The following TET2 variants were observed in gnomAD, a reference collection of about 807,000 sequenced individuals.
The protein encoded by TET2 is tet methylcytosine dioxygenase 2.
TET2 carries 299 observed loss-of-function variants against 142.9 expected under a neutral mutation model. The observed-to-expected ratio is 2.09, with a 90% CI of 1.90 to 2.30. The LOEUF is 2.30. TET2 is among the 30% of genes most tolerant of loss of function. The pLI, the probability that TET2 is intolerant of heterozygous loss-of-function variation, is 0.00. For synonymous variants in TET2, 819 were observed against 849.0 expected (o/e 0.96, Z 0.61); for missense variants, 2,418 against 2,378.0 (o/e 1.02, Z -0.35).
chr4:105,239,899 A>G (rs1008829992), intron 3 of TET2: 1 of 238,958 alleles, frequency 4.2e-6, no homozygotes, highest in Non-Finnish European at 8.8e-6. Context: ...AGGCCACTGT[A>G]GGGTTATTAA....
chr4:105,193,007 A>T (rs1725874570), intron 2 of TET2, among the ~76,000 whole-genome samples: 1 of 152,216 alleles, frequency 6.6e-6, no homozygotes, highest in African/African-American at 2.4e-5. Flanking sequence ...ATGCAGAGTG[A>T]TTTAAAAAGA....
At chr4:105,222,640 G>A (rs13147502) in intron 2 of TET2, among the ~76,000 whole-genome samples, 74,360 of 151,890 alleles carry the variant, frequency 0.49, 19,494 homozygotes, top group Non-Finnish European at 0.61. Context: ...AGTAGGTTGC[G>A]AAAATTTTCT....
intron 6 of TET2, among the ~76,000 whole-genome samples, chr4:105,254,281 AT>A (rs1203938030): frequency 6.6e-6 from 1 of 152,164 alleles, no homozygotes; most frequent in Non-Finnish European, 1.5e-5. Flanking sequence ...TGCTGATTCA[AT>A]TTCTTTCATA....
At chr4:105,195,520 T>C (rs4593132) in intron 2 of TET2, among the ~76,000 whole-genome samples, 1 of 152,156 alleles carries the variant, frequency 6.6e-6, no homozygotes, top group Non-Finnish European at 1.5e-5. Flanking sequence ...CTGTGGATCC[T>C]CAAGTCTCTT....
rs1253052000 is a variant in TET2 at position 105,237,181 on chromosome 4, C to T, written c.3239C>T (p.Ala1080Val). ...TAAELDSHTP[A>V]LEQQTTSSEK... is the part of the protein sequence containing the mutation. ...GCAGAACTTGATAGCCACACCCCAG[C>T]TTTAGAGCAGCAAACAACTTCTTCA... is the stretch of plus-strand genomic sequence containing the variant. The change falls in exon 3 of 11, where the codon GCT becomes GTT. Residue 1080 changes from alanine to valine, a missense_variant. Transcript: ENST00000380013. The T allele has an allele frequency of 1.9e-6, 3 of 1,614,152 alleles. No individual in the cohort carries two copies. The African/African-American group carries it at 4.0e-5, about 22-fold the overall frequency.
intron 8 of TET2, 122 bp from the exon 9 acceptor site, chr4:105,269,488 C>A: frequency 1.9e-6 from 2 of 1,035,230 alleles, no homozygotes; most frequent in Non-Finnish European, 1.4e-6. Flanking sequence ...CATTTTGTTT[C>A]TGGATATATA....
chr4:105,228,882 A>C (rs550508824), intron 2 of TET2, among the ~76,000 whole-genome samples: 1 of 152,154 alleles, frequency 6.6e-6, no homozygotes, highest in Non-Finnish European at 1.5e-5. Flanking sequence ...TTTAAAACCT[A>C]AAGTTTCTTT....
At chr4:105,183,709 T>C (rs966771078) in intron 1 of TET2, among the ~76,000 whole-genome samples, 12 of 152,252 alleles carry the variant, frequency 7.9e-5, no homozygotes, top group East Asian at 3.9e-4. Flanking sequence ...AGGAGAGACA[T>C]TCTGAGATTC....
intron 1 of TET2, among the ~76,000 whole-genome samples, chr4:105,164,514 G>A (rs998743468): frequency 1.3e-5 from 2 of 152,198 alleles, no homozygotes. Context: ...TATTCTTCAA[G>A]CATGTGTTGA....
intron 8 of TET2, among the ~76,000 whole-genome samples, chr4:105,264,093 G>A (rs201489038): frequency 1.5e-4 from 1 of 6,536 alleles, no homozygotes; most frequent in Admixed American, 9.2e-4. Flanking sequence ...GGACTTTAAC[G>A]TCCCAAACAT....
intron 2 of TET2, among the ~76,000 whole-genome samples, chr4:105,214,471 A>ATTTT (rs35752514): frequency 3.4e-3 from 313 of 92,086 alleles, no homozygotes; most frequent in African/African-American, 4.6e-3. Context: ...CACACCTGGC[A>ATTTT]TTTTTTTTTT....
At chr4:105,237,704 A>G (rs1729040084) in intron 3 of TET2, 1 of 1,288,018 alleles carries the variant, frequency 7.8e-7, no homozygotes, top group African/African-American at 1.5e-5. Context: ...AAAACAATCT[A>G]TTAAAATGAG....
At chr4:105,201,459 C>T (rs553501807) in intron 2 of TET2, among the ~76,000 whole-genome samples, 32 of 152,098 alleles carry the variant, frequency 2.1e-4, no homozygotes, top group African/African-American at 7.7e-4. Context: ...TGTTTTTGTT[C>T]CCATTTCAGT....
chr4:105,196,709 G>A (rs1726115604), intron 2 of TET2, among the ~76,000 whole-genome samples: 1 of 152,060 alleles, frequency 6.6e-6, no homozygotes, highest in Non-Finnish European at 1.5e-5. Context: ...ATTTGTTGTG[G>A]CACTGTTGTT....
intron 3 of TET2, chr4:105,240,400 G>A (rs999550410): frequency 9.3e-7 from 1 of 1,071,820 alleles, no homozygotes; most frequent in African/African-American, 1.6e-5. Context: ...TTTGCTGATG[G>A]ATGTAGATAT....
At chr4:105,213,138 C>T (rs1291223829) in intron 2 of TET2, among the ~76,000 whole-genome samples, 3 of 152,106 alleles carry the variant, frequency 2.0e-5, no homozygotes, top group Non-Finnish European at 2.9e-5. Context: ...ATCTTAACTC[C>T]TCAATTCTTT....
rs890200750 is a variant in TET2, at chr4:105,241,873, T to C, written c.3500+444T>C. 12 of 1,246,784 alleles carry C rather than the reference T, an allele frequency of 9.6e-6. No homozygotes were observed. In the African/African-American group the frequency reaches 1.9e-4, roughly 19 times the overall value. The allele number at this position is 1,246,784 out of a possible 1,614,324, so 77.2% of individuals were successfully genotyped here. A position where few individuals can be genotyped will look rare whatever the true frequency, so the allele number is the denominator to read the frequency against. On this transcript the variant is annotated intron_variant, in intron 4 of 10. Coordinates refer to ENST00000380013, the MANE Select transcript of TET2 (RefSeq NM_001127208.3). Reference sequence around the variant, plus strand: ...TGAGTACTTATCTCTAAGTTTTCTTTTACCATAAAAAGAGAGCAAGTGTGA... The same window carrying C: ...TGAGTACTTATCTCTAAGTTTTCTTCTACCATAAAAAGAGAGCAAGTGTGA...
intron 3 of TET2, 21 bp from the exon 4 acceptor site, chr4:105,241,318 A>C (rs1231182281): frequency 6.5e-7 from 1 of 1,530,588 alleles, no homozygotes; most frequent in Non-Finnish European, 8.8e-7. Context: ...CTAAAATAAT[A>C]ATCTTCTATT....
chr4:105,269,971 T>TA (rs1388282556), intron 9 of TET2, among the ~76,000 whole-genome samples: 1 of 152,190 alleles, frequency 6.6e-6, no homozygotes, highest in Non-Finnish European at 1.5e-5. Flanking sequence ...CTCCCCTTTA[T>TA]AAAATCATCA....
Sources: gnomAD v4.1 joint callset for allele counts (sites outside exome capture counted in the v4.1 genomes callset) on GRCh38, gnomAD v4.1.1 for gene constraint, MANE v1.5 for transcripts, NCBI Gene and HGNC (gene_info 2026-07-23, HGNC 2026-07-21) for gene names.